The following COMMD10 variants were observed in gnomAD, a reference collection of about 807,000 sequenced individuals.
The protein encoded by COMMD10 is COMM domain-containing protein 10.
In COMMD10, 33 loss-of-function variants were observed where a neutral mutation model predicts 28.9. The observed-to-expected ratio is 1.14, with a 90% confidence interval of 0.87 to 1.53. The LOEUF (loss-of-function observed/expected upper bound fraction) is 1.53. Ranked by LOEUF, COMMD10 falls within the 40% of genes most tolerant of loss-of-function variation. The pLI, the probability that COMMD10 is intolerant of heterozygous loss-of-function variation, is 0.00. For synonymous variants in COMMD10, 110 were observed against 81.7 expected, an observed-to-expected ratio of 1.35 and a Z score of -1.87; for missense variants, 310 against 233.4, an observed-to-expected ratio of 1.33 and a Z score of -2.14.
intron 5 of COMMD10, among the ~76,000 whole-genome samples, chr5:116,167,484 A>G (rs941243624): frequency 2.6e-5 from 4 of 152,144 alleles, no homozygotes; most frequent in African/African-American, 9.7e-5. Context: ...AAATTCAGGA[A>G]ATACAGAGAA....
chr5:116,220,988 A>C (rs6859410), intron 5 of COMMD10, among the ~76,000 whole-genome samples: 1 of 151,888 alleles, frequency 6.6e-6, no homozygotes, highest in African/African-American at 2.4e-5. Flanking sequence ...ATTGTCCTAC[A>C]ATCACAAAGA....
At chr5:116,226,080 C>T (rs748180088) in intron 5 of COMMD10, among the ~76,000 whole-genome samples, 2 of 152,006 alleles carry the variant, frequency 1.3e-5, no homozygotes, top group Non-Finnish European at 2.9e-5. Flanking sequence ...TGGTCAGTGC[C>T]TTGCAGCCAG....
In COMMD10 at chr5:116,118,216, C is replaced by G. The variant is rs372842225; in HGVS notation, c.400-15852C>G. 5.3e-5 allele frequency among the ~76,000 whole-genome samples: 8 copies of G among 152,272 alleles called. No individual in the cohort carries two copies. The East Asian group carries it at 1.4e-3, about 26-fold the overall frequency. On this transcript the variant is annotated intron_variant, in intron 4 of 6. Transcript: ENST00000274458. ...GTGAATCTTTCCCTGATAGTGCCAC[C>G]TCCTCTGTGGCATTTTATTATCTTA...
In COMMD10 at chr5:116,092,670, G is replaced by A. The variant is rs753944491; in HGVS notation, c.369G>A (p.Lys123=). 3.1e-6 allele frequency: 5 copies of A among 1,608,306 alleles called. No homozygotes were observed. The African/African-American group carries it at 5.3e-5, about 17-fold the overall frequency. The stretch of plus-strand genomic sequence containing the variant: ...CTATGGGTCAAGAAACAGTTGAAAA[G>A]TTCCGGCAGAGAATTCTGGCTCCCT... ...WSSMGQETVE[K]FRQRILAPCK... The change falls in exon 4 of 7, where the codon AAG becomes AAA. Residue 123 remains lysine, a synonymous_variant. Transcript: ENST00000274458.
chr5:116,242,866 G>T (rs571201733), intron 5 of COMMD10, among the ~76,000 whole-genome samples: 1 of 152,126 alleles, frequency 6.6e-6, no homozygotes, highest in South Asian at 2.1e-4. Flanking sequence ...AATAATCGTT[G>T]GATAGGCTTC....
intron 5 of COMMD10, among the ~76,000 whole-genome samples, chr5:116,184,849 G>A (rs1748088412): frequency 1.3e-5 from 2 of 152,220 alleles, no homozygotes; most frequent in African/African-American, 4.8e-5. Context: ...TGGAGGCAAT[G>A]TAATATAATC....
intron 4 of COMMD10, among the ~76,000 whole-genome samples, chr5:116,131,363 A>G (rs1470684952): frequency 6.6e-6 from 1 of 151,606 alleles, no homozygotes; most frequent in Non-Finnish European, 1.5e-5. Flanking sequence ...ATAATATTGT[A>G]TGTGTGACAG....
chr5:116,286,830 C>T (rs1751231348), intron 5 of COMMD10, among the ~76,000 whole-genome samples: 1 of 151,724 alleles, frequency 6.6e-6, no homozygotes, highest in East Asian at 1.9e-4. Context: ...ACATGTTCTG[C>T]TATTTTTGAT....
rs139793360 is a variant in COMMD10 at position 116,108,809 on chromosome 5, C to G, written c.399+16109C>G. On this transcript the variant is annotated intron_variant, in intron 4 of 6. Transcript: ENST00000274458. ...GCCACCCAGTTTTATGCTTGAAACCCAGGGCCTAGGTGGCATAGGCACCCG... is the reference window on the plus strand; with the variant it reads ...GCCACCCAGTTTTATGCTTGAAACCGAGGGCCTAGGTGGCATAGGCACCCG... Among the ~76,000 whole-genome samples, 1,450 of 152,240 alleles carry G rather than the reference C, an allele frequency of 9.5e-3. 27 individuals are homozygous for G. Among genetic ancestry groups the G allele is most frequent in the African/African-American group, 0.034 (1,392 of 41,536 alleles).
At chr5:116,236,047 A>T (rs1749651902) in intron 5 of COMMD10, among the ~76,000 whole-genome samples, 1 of 152,150 alleles carries the variant, frequency 6.6e-6, no homozygotes, top group South Asian at 2.1e-4. Context: ...TAGAAATAAG[A>T]ACATCATATA....
intron 6 of COMMD10, 40 bp from the exon 7 acceptor site, chr5:116,292,411 C>T (rs1207208604): frequency 6.9e-7 from 1 of 1,442,776 alleles, no homozygotes; most frequent in Non-Finnish European, 9.2e-7. Context: ...GTTTCGTTCC[C>T]TTCACTAACG....
rs1751822087 is a variant in COMMD10, at chr5:116,130,274, CAAGGAGTTTAG to C, written c.400-3791_400-3781del. On this transcript the variant is annotated intron_variant, in intron 4 of 6. Transcript: ENST00000274458. ...TAAAAAGGGCAAAATCCTTTGTTCTCAAGGAGTTTAGAATCTTAGGTGGTAGTCAGCAAGCA... is the reference window on the plus strand; with the variant it reads ...TAAAAAGGGCAAAATCCTTTGTTCTCAATCTTAGGTGGTAGTCAGCAAGCA... Among the ~76,000 whole-genome samples, 6 of 151,830 alleles carry C rather than the reference CAAGGAGTTTAG, an allele frequency of 4.0e-5. No homozygotes were observed. In the South Asian group the frequency reaches 1.2e-3, roughly 32 times the overall value.
chr5:116,112,333 C>A (rs541162658), intron 4 of COMMD10, among the ~76,000 whole-genome samples: 57 of 152,054 alleles, frequency 3.7e-4, no homozygotes, highest in Admixed American at 1.8e-3. Flanking sequence ...TTTTTCCACC[C>A]CTTTACTTTT....
At chr5:116,086,441 T>C (rs1037251546) in intron 1 of COMMD10, among the ~76,000 whole-genome samples, 1 of 148,110 alleles carries the variant, frequency 6.8e-6, no homozygotes, top group Non-Finnish European at 1.5e-5. Context: ...TTTGGGAGGC[T>C]GAGGCGGGCT....
At chr5:116,195,327 A>G (rs749294780) in intron 5 of COMMD10, among the ~76,000 whole-genome samples, 3 of 152,168 alleles carry the variant, frequency 2.0e-5, no homozygotes, top group Non-Finnish European at 4.4e-5. Flanking sequence ...CAGTCAGACA[A>G]GAGAAAGAAA....
intron 4 of COMMD10, among the ~76,000 whole-genome samples, chr5:116,107,025 G>A (rs1455732744): frequency 1.3e-5 from 2 of 152,098 alleles, no homozygotes; most frequent in Non-Finnish European, 2.9e-5. Context: ...TCATTATGAT[G>A]GTAGCTGGTT....
At chr5:116,096,534 A>G (rs1192487586) in intron 4 of COMMD10, among the ~76,000 whole-genome samples, 1 of 152,098 alleles carries the variant, frequency 6.6e-6, no homozygotes, top group Non-Finnish European at 1.5e-5. Flanking sequence ...TTGTCTGTGA[A>G]TAAAGACAGT....
rs546934132 is a variant in COMMD10 at position 116,100,235 on chromosome 5, T to G, written c.399+7535T>G. 4.6e-5 allele frequency among the ~76,000 whole-genome samples: 7 copies of G among 152,258 alleles called. No individual in the cohort carries two copies. In the East Asian group the frequency reaches 1.2e-3, roughly 25 times the overall value. On this transcript the variant is annotated intron_variant, in intron 4 of 6. Transcript: ENST00000274458. ...ATGCCGAACCTCTGTTTTCTCACAT[T>G]CTATAGGTTGCCTTTTCATTTTGTT...
At chr5:116,154,416 C>T (rs75125040) in intron 5 of COMMD10, among the ~76,000 whole-genome samples, 4,297 of 152,126 alleles carry the variant, frequency 0.028, 105 homozygotes, top group East Asian at 0.14. Context: ...GTAAACATTT[C>T]CTGAGCAATG....
Sources: allele counts gnomAD v4.1 joint callset (sites outside exome capture counted in the v4.1 genomes callset), GRCh38; gene constraint gnomAD v4.1.1; transcripts MANE v1.5; gene names NCBI Gene and HGNC (gene_info 2026-07-23, HGNC 2026-07-21).